Variants in ARHGAP15 observed in about 807,000 individuals in gnomAD.
ARHGAP15 encodes the protein rho GTPase-activating protein 15.
ARHGAP15 carries 51 observed loss-of-function variants against 63.7 expected under a neutral mutation model. That is an observed-to-expected ratio of 0.80 (90% CI 0.64 to 1.01). The LOEUF (loss-of-function observed/expected upper bound fraction) is 1.01. ARHGAP15 is among the 50% of genes least tolerant of loss of function. ARHGAP15 has a pLI of 0.00. For missense variants in ARHGAP15, 560 were observed against 564.6 expected, an observed-to-expected ratio of 0.99 and a Z score of 0.08; for synonymous variants, 191 against 193.8, an observed-to-expected ratio of 0.99 and a Z score of 0.12.
intron 5 of ARHGAP15, chr2:143,236,117 G>A: frequency 2.0e-6 from 2 of 1,017,112 alleles, no homozygotes; most frequent in African/African-American, 1.7e-5. Flanking sequence ...CCTACCAGGT[G>A]TCATATAATT....
chr2:143,599,947 C>T (rs1021175933), intron 11 of ARHGAP15, among the ~76,000 whole-genome samples: 11 of 152,048 alleles, frequency 7.2e-5, no homozygotes, highest in African/African-American at 2.4e-4. Context: ...TCCAAATGCC[C>T]CCCTAAAACA....
intron 6 of ARHGAP15, among the ~76,000 whole-genome samples, chr2:143,267,732 G>A (rs1005968406): frequency 1.3e-5 from 2 of 152,116 alleles, no homozygotes; most frequent in Non-Finnish European, 2.9e-5. Context: ...GATATAAAGT[G>A]CATACATATC....
intron 6 of ARHGAP15, among the ~76,000 whole-genome samples, chr2:143,297,973 C>A (rs535576260): frequency 3.9e-5 from 6 of 152,112 alleles, no homozygotes; most frequent in African/African-American, 1.2e-4. Flanking sequence ...TTTAGCTCGG[C>A]CCATTCCTCT....
At chr2:143,635,067 C>T (rs1443436199) in intron 12 of ARHGAP15, among the ~76,000 whole-genome samples, 4 of 152,020 alleles carry the variant, frequency 2.6e-5, no homozygotes, top group Non-Finnish European at 5.9e-5. Flanking sequence ...GACACACACA[C>T]ACACGTTCTC....
intron 10 of ARHGAP15, among the ~76,000 whole-genome samples, chr2:143,547,892 C>A (rs1411184530): frequency 2.0e-5 from 3 of 152,042 alleles, no homozygotes; most frequent in African/African-American, 7.2e-5. Flanking sequence ...CAATCACTCT[C>A]CTCCCACACG....
intron 12 of ARHGAP15, among the ~76,000 whole-genome samples, chr2:143,629,667 A>G (rs752879452): frequency 3.3e-5 from 5 of 152,130 alleles, no homozygotes; most frequent in African/African-American, 4.8e-5. Context: ...TAATGTCTGC[A>G]TTTTTCCAAA....
intron 6 of ARHGAP15, among the ~76,000 whole-genome samples, chr2:143,279,628 T>C (rs1681744394): frequency 6.6e-6 from 1 of 152,180 alleles, no homozygotes; most frequent in Admixed American, 6.5e-5. Flanking sequence ...GATTACAGAA[T>C]TCTATCCTTC....
chr2:143,346,632 AGAG>A (rs1389243574), intron 6 of ARHGAP15, among the ~76,000 whole-genome samples: 1 of 152,178 alleles, frequency 6.6e-6, no homozygotes, highest in Non-Finnish European at 1.5e-5. Context: ...CAGATCAAAA[AGAG>A]GAGAATCATT....
chr2:143,715,365 T>G (rs181309151), intron 13 of ARHGAP15, among the ~76,000 whole-genome samples: 2 of 152,298 alleles, frequency 1.3e-5, no homozygotes, highest in East Asian at 3.9e-4. Context: ...GAGATTTCGG[T>G]AGGAACACAG....
intron 6 of ARHGAP15, among the ~76,000 whole-genome samples, chr2:143,321,088 A>G (rs1043562252): frequency 6.6e-6 from 1 of 152,048 alleles, no homozygotes; most frequent in Non-Finnish European, 1.5e-5. Context: ...CCTGGCTCTC[A>G]GGGCCCACTA....
intron 6 of ARHGAP15, among the ~76,000 whole-genome samples, chr2:143,270,674 C>T (rs1281331491): frequency 6.6e-6 from 1 of 152,064 alleles, no homozygotes; most frequent in Non-Finnish European, 1.5e-5. Flanking sequence ...CATAGTATTA[C>T]TGTTTTAGTT....
chr2:143,133,257 G>A (rs763200978), intron 1 of ARHGAP15, among the ~76,000 whole-genome samples: 2 of 152,164 alleles, frequency 1.3e-5, no homozygotes, highest in East Asian at 1.9e-4. Flanking sequence ...ACAAAAACAC[G>A]GCGTGTCAGA....
At chr2:143,439,491 C>T (rs1356114507) in intron 8 of ARHGAP15, among the ~76,000 whole-genome samples, 4 of 130,914 alleles carry the variant, frequency 3.1e-5, no homozygotes, top group Non-Finnish European at 6.3e-5. Flanking sequence ...CAAAATCTAA[C>T]TAATTGTACA....
At chr2:143,394,442 C>T (rs1460994269) in intron 6 of ARHGAP15, among the ~76,000 whole-genome samples, 1 of 152,168 alleles carries the variant, frequency 6.6e-6, no homozygotes, top group East Asian at 1.9e-4. Context: ...ACAGTGCAAG[C>T]ATGGTTTCCA....
At chr2:143,154,441 T>C (rs1251060224) in intron 1 of ARHGAP15, among the ~76,000 whole-genome samples, 2 of 151,908 alleles carry the variant, frequency 1.3e-5, no homozygotes, top group African/African-American at 4.8e-5. Flanking sequence ...CCTTAAAACA[T>C]GATTCTTCTT....
intron 6 of ARHGAP15, among the ~76,000 whole-genome samples, chr2:143,351,771 T>C (rs970186978): frequency 2.0e-5 from 3 of 152,176 alleles, no homozygotes; most frequent in African/African-American, 7.2e-5. Flanking sequence ...AATTGGCATT[T>C]AGAAAATGAA....
intron 13 of ARHGAP15, among the ~76,000 whole-genome samples, chr2:143,748,334 G>T (rs1686244552): frequency 1.3e-5 from 2 of 152,102 alleles, no homozygotes. Context: ...AATGTCACCT[G>T]GCCCACCTAT....
At chr2:143,468,849 A>T (rs1183517282) in intron 8 of ARHGAP15, among the ~76,000 whole-genome samples, 3 of 152,156 alleles carry the variant, frequency 2.0e-5, no homozygotes, top group Non-Finnish European at 4.4e-5. Flanking sequence ...GAAGAAGTAA[A>T]ATCAAACCTC....
chr2:143,536,170 T>C (rs1388101161), intron 10 of ARHGAP15, among the ~76,000 whole-genome samples: 3 of 152,228 alleles, frequency 2.0e-5, no homozygotes, highest in Non-Finnish European at 4.4e-5. Flanking sequence ...TATAATTATG[T>C]ATCCTTTGAC....
Sources: allele counts gnomAD v4.1 joint callset (sites outside exome capture counted in the v4.1 genomes callset), GRCh38; gene constraint gnomAD v4.1.1; transcripts MANE v1.5; gene names NCBI Gene and HGNC (gene_info 2026-07-23, HGNC 2026-07-21).